Variants in SVIL observed in about 807,000 individuals in gnomAD.
SVIL encodes supervillin.
A neutral mutation model predicts 240.4 loss-of-function variants in SVIL; 101 were observed. The observed-to-expected ratio is 0.42, with a 90% CI of 0.36 to 0.50. The LOEUF is 0.50. SVIL is among the 20% of genes least tolerant of loss of function. SVIL has a pLI of 0.01. For missense variants in SVIL, 2,512 were observed against 2,818.7 expected (o/e 0.89, Z 2.46); for synonymous variants, 999 against 1,100.0 (o/e 0.91, Z 1.82).
intron 1 of SVIL, among the ~76,000 whole-genome samples, chr10:29,592,794 A>G (rs1450312707): frequency 1.3e-5 from 2 of 152,206 alleles, no homozygotes; most frequent in African/African-American, 4.8e-5. Context: ...TCTAAACAAA[A>G]TTCAAATCAT....
At chr10:29,538,488 T>TAGGCATTC (rs1342175901) in intron 6 of SVIL, among the ~76,000 whole-genome samples, 1 of 152,248 alleles carries the variant, frequency 6.6e-6, no homozygotes, top group Admixed American at 6.5e-5. Flanking sequence ...GTGGAAGTGA[T>TAGGCATTC]AGGCATTCAG....
chr10:29,568,027 A>C (rs202153161), intron 2 of SVIL, among the ~76,000 whole-genome samples: 3,460 of 126,532 alleles, frequency 0.027, 229 homozygotes, highest in East Asian at 0.27. Context: ...AAAAAAAAAA[A>C]CAAAAAAAAA....
intron 1 of SVIL, among the ~76,000 whole-genome samples, chr10:29,596,758 G>A (rs1377360881): frequency 6.6e-6 from 1 of 152,176 alleles, no homozygotes; most frequent in East Asian, 1.9e-4. Context: ...ACACTATACT[G>A]TCCATTTGTA....
At chr10:29,508,462 C>T in intron 17 of SVIL, 3 of 1,212,568 alleles carry the variant, frequency 2.5e-6, no homozygotes, top group Non-Finnish European at 3.3e-6. Context: ...ATCGCAATCA[C>T]CTTCAAGTAT....
intron 17 of SVIL, among the ~76,000 whole-genome samples, chr10:29,511,509 A>G (rs1264783252): frequency 3.9e-5 from 6 of 151,988 alleles, no homozygotes; most frequent in Non-Finnish European, 7.4e-5. Flanking sequence ...TGAAGCAATG[A>G]TTTCAAGATT....
chr10:29,613,237 A>G (rs1321649986), intron 1 of SVIL, among the ~76,000 whole-genome samples: 1 of 151,376 alleles, frequency 6.6e-6, no homozygotes, highest in Non-Finnish European at 1.5e-5. Context: ...GCTCTGGTGC[A>G]GTGGAGAGGT....
At chr10:29,547,364 G>A (rs4747666) in intron 6 of SVIL, among the ~76,000 whole-genome samples, 63,487 of 151,864 alleles carry the variant, frequency 0.42, 13,344 homozygotes, top group East Asian at 0.44. Context: ...TTCTTTGCCT[G>A]TGAATCATAG....
chr10:29,559,181 T>G (rs1200800218), intron 3 of SVIL, among the ~76,000 whole-genome samples: 1 of 152,074 alleles, frequency 6.6e-6, no homozygotes, highest in African/African-American at 2.4e-5. Flanking sequence ...TTGAAAATCT[T>G]GAAGGTTTGT....
intron 1 of SVIL, among the ~76,000 whole-genome samples, chr10:29,715,612 G>A (rs1230452059): frequency 6.6e-6 from 1 of 152,232 alleles, no homozygotes; most frequent in Non-Finnish European, 1.5e-5. Context: ...TGTCCCTGGA[G>A]TCAGAAGTTG....
At position 29,526,969 on chromosome 10, in the gene SVIL, C is replaced by A; in HGVS notation, c.2334G>T (p.Gln778His). 6.2e-7 allele frequency: 1 copy of A among 1,600,450 alleles called. No homozygotes were observed. The highest frequency in any genetic ancestry group is 8.5e-7 in the Non-Finnish European group (1 of 1,175,216). ...CTGTATCTGTCCAGTACCTGGCAGG[C>A]TGCACAGCGCTCCTAGCTACAGTGG... ...PSPTVARSAV[Q>H]PARLQASAHQ... The change falls in exon 13 of 38, where the codon CAG (glutamine) becomes CAT (histidine). Residue 778 changes from glutamine (Q) to histidine (H), a missense_variant. By Grantham distance (24) the Gln-to-His change is conservative. Coordinates refer to ENST00000355867, the MANE Select transcript of SVIL (RefSeq NM_021738.3).
chr10:29,730,360 G>A (rs947643475), intron 1 of SVIL, among the ~76,000 whole-genome samples: 11 of 152,140 alleles, frequency 7.2e-5, no homozygotes, highest in African/African-American at 2.4e-4. Context: ...CTCCAGCTTC[G>A]TATAAGTTGA....
At chr10:29,675,885 A>G (rs1448308940) in intron 2 of SVIL, among the ~76,000 whole-genome samples, 4 of 152,154 alleles carry the variant, frequency 2.6e-5, no homozygotes, top group African/African-American at 9.7e-5. Flanking sequence ...GACCCTTCCC[A>G]GTCTTGAAAC....
chr10:29,629,642 G>A (rs543309563), intron 1 of SVIL, among the ~76,000 whole-genome samples: 1 of 128,518 alleles, frequency 7.8e-6, no homozygotes, highest in African/African-American at 2.6e-5. Flanking sequence ...TTTTTCCTCA[G>A]TAGAATGAAG....
Position 29,522,627 on chromosome 10 carries a change from A to T in SVIL, c.3172T>A (p.Phe1058Ile). ...KRKFSLRAAE[F>I]GEPTSEQTGT... ...GTCTGCTCGGAAGTGGGCTCCCCGA[A>T]CTCTGCCGCTGGGAAGGAAAAGAGC... is the stretch of plus-strand genomic sequence containing the variant. Residue 1058 changes from phenylalanine to isoleucine, a missense_variant, in exon 16 of 38, where the codon TTC (phenylalanine) becomes ATC (isoleucine). Transcript: ENST00000355867. 1 of 1,613,950 alleles carries T rather than the reference A, an allele frequency of 6.2e-7. No individual in the cohort carries two copies. The highest frequency in any genetic ancestry group is 8.5e-7 in the Non-Finnish European group (1 of 1,179,964).
chr10:29,480,832 A>ACAT lies in SVIL; in HGVS notation c.5101-22_5101-20dup, dbSNP rs1946753022. Reference sequence around the variant, plus strand: ...GGTCTTCCTACAGGGGAACACAAAGACATCAGTTCAGTTGCCTGTTTCTGC... The same window carrying ACAT: ...GGTCTTCCTACAGGGGAACACAAAGACATCATCAGTTCAGTTGCCTGTTTCTGC... On this transcript the variant is annotated intron_variant, in intron 28 of 37. Transcript: ENST00000355867. 3.1e-6 allele frequency: 5 copies of ACAT among 1,590,724 alleles called. No homozygotes were observed. The Admixed American group carries it at 6.7e-5, about 21-fold the overall frequency.
chr10:29,478,337 C>T (rs1462918868), intron 29 of SVIL, among the ~76,000 whole-genome samples: 6 of 152,354 alleles, frequency 3.9e-5, no homozygotes, highest in South Asian at 4.1e-4. Context: ...ACAGTAATTA[C>T]GCTGTTCCTG....
chr10:29,467,833 T>A lies in SVIL; in HGVS notation c.5886A>T (p.Thr1962=). Residue 1962 remains threonine (T), a synonymous_variant, in exon 33 of 38, where the codon ACA becomes ACT. Coordinates refer to ENST00000355867, the MANE Select transcript of SVIL (RefSeq NM_021738.3). ...CGGAGCCTTCATCACACTCGTGTAT[T>A]GTGACTTTGCTGCTACTATGCAGTC... ...EAGLHSSSKV[T]IHECDEGSEP... 6.2e-7 allele frequency: 1 copy of A among 1,614,206 alleles called. No individual in the cohort carries two copies. Among genetic ancestry groups the A allele is most frequent in the Non-Finnish European group, 8.5e-7 (1 of 1,180,022 alleles).
At chr10:29,481,133 G>GGTGTGT (rs57479630) in intron 28 of SVIL, among the ~76,000 whole-genome samples, 5,078 of 141,338 alleles carry the variant, frequency 0.036, 131 homozygotes, top group African/African-American at 0.07. Flanking sequence ...TAGCTTTAAG[G>GGTGTGT]GTGTGTGTGT....
chr10:29,719,947 A>G (rs1434384853), intron 1 of SVIL, among the ~76,000 whole-genome samples: 2 of 152,214 alleles, frequency 1.3e-5, no homozygotes, highest in African/African-American at 4.8e-5. Flanking sequence ...AAAAATATAA[A>G]CCCAAAGATC....
Sources: allele counts gnomAD v4.1 joint callset (sites outside exome capture counted in the v4.1 genomes callset), GRCh38; gene constraint gnomAD v4.1.1; transcripts MANE v1.5; gene names NCBI Gene and HGNC (gene_info 2026-07-23, HGNC 2026-07-21).